Variants in COL14A1 observed in about 807,000 individuals in gnomAD.
COL14A1 encodes collagen type XIV alpha 1 chain.
Under a neutral mutation model 230.3 loss-of-function variants are expected in COL14A1, and 136 were observed. That is an observed-to-expected ratio of 0.59 (90% CI 0.51 to 0.68). The LOEUF (loss-of-function observed/expected upper bound fraction) is 0.68, where lower values mean the gene tolerates loss of function less well. Ranked by LOEUF, COL14A1 falls within the 30% of genes least tolerant of loss-of-function variation. COL14A1 has a pLI of 0.00. For synonymous variants in COL14A1, 792 were observed against 784.1 expected, an observed-to-expected ratio of 1.01 and a Z score of -0.17; for missense variants, 1,976 against 2,215.8, an observed-to-expected ratio of 0.89 and a Z score of 2.17.
intron 16 of COL14A1, 115 bp from the exon 17 acceptor site, chr8:120,227,105 C>T (rs950230740): frequency 3.4e-5 from 40 of 1,190,982 alleles, no homozygotes; most frequent in African/African-American, 7.7e-5. Flanking sequence ...AAATGGACTT[C>T]GACAGCCTTG....
chr8:120,202,608 C>T (rs1188888673), intron 8 of COL14A1, among the ~76,000 whole-genome samples: 1 of 152,090 alleles, frequency 6.6e-6, no homozygotes, highest in Non-Finnish European at 1.5e-5. Flanking sequence ...AATGTTTACT[C>T]ATTTTAATGT....
intron 40 of COL14A1, among the ~76,000 whole-genome samples, chr8:120,323,759 C>T (rs1821552771): frequency 6.6e-6 from 1 of 152,128 alleles, no homozygotes; most frequent in South Asian, 2.1e-4. Context: ...GTTCTCTCTT[C>T]TGCTCCATTG....
chr8:120,243,370 T>G (rs188692976), intron 19 of COL14A1, among the ~76,000 whole-genome samples: 2 of 152,276 alleles, frequency 1.3e-5, no homozygotes, highest in African/African-American at 4.8e-5. Flanking sequence ...CAAGAAAACT[T>G]GGCTTTGATG....
At chr8:120,128,399 A>C (rs1169302686) in intron 1 of COL14A1, among the ~76,000 whole-genome samples, 3 of 152,186 alleles carry the variant, frequency 2.0e-5, no homozygotes, top group Non-Finnish European at 4.4e-5. Context: ...TCAAGGATAA[A>C]AAGCACCTTG....
chr8:120,293,523 A>G (rs894284427), intron 34 of COL14A1, among the ~76,000 whole-genome samples: 1 of 151,822 alleles, frequency 6.6e-6, no homozygotes, highest in Non-Finnish European at 1.5e-5. Flanking sequence ...AGGTACTTGC[A>G]TCTTCCCTAC....
intron 5 of COL14A1, among the ~76,000 whole-genome samples, chr8:120,185,479 A>G (rs1414182210): frequency 6.6e-6 from 1 of 152,026 alleles, no homozygotes; most frequent in Non-Finnish European, 1.5e-5. Context: ...ACACAGTGAG[A>G]CCCCATCTCT....
intron 23 of COL14A1, among the ~76,000 whole-genome samples, chr8:120,261,312 C>T (rs189730203): frequency 1.3e-5 from 2 of 152,116 alleles, no homozygotes; most frequent in Non-Finnish European, 2.9e-5. Flanking sequence ...CCTTTAGTTT[C>T]TTCTCTTTAA....
chr8:120,162,316 C>CA, intron 3 of COL14A1, 110 bp from the exon 4 acceptor site: 1 of 819,760 alleles, frequency 1.2e-6, no homozygotes, highest in Admixed American at 3.2e-5. Context: ...AAACACATTT[C>CA]AAAAAATGCC....
At chr8:120,354,894 T>C (rs1159837139) in intron 45 of COL14A1, among the ~76,000 whole-genome samples, 1 of 152,210 alleles carries the variant, frequency 6.6e-6, no homozygotes, top group Non-Finnish European at 1.5e-5. Flanking sequence ...TCACTTGTTC[T>C]TCTCTGTTAA....
chr8:120,284,317 G>A (rs1820128304), intron 32 of COL14A1, among the ~76,000 whole-genome samples: 1 of 152,160 alleles, frequency 6.6e-6, no homozygotes, highest in East Asian at 1.9e-4. Flanking sequence ...TCTGGAGGCT[G>A]GGAAATGCCA....
At chr8:120,127,095 C>G (rs1216604040) in intron 1 of COL14A1, among the ~76,000 whole-genome samples, 1 of 152,204 alleles carries the variant, frequency 6.6e-6, no homozygotes, top group South Asian at 2.1e-4. Flanking sequence ...CCCCATTTCT[C>G]CCTAACCTGC....
chr8:120,227,173 T>C (rs16893685), intron 16 of COL14A1, 47 bp from the exon 17 acceptor site: 12 of 1,580,580 alleles, frequency 7.6e-6, no homozygotes, highest in Non-Finnish European at 1.0e-5. Context: ...TTTTCTTTAC[T>C]TTTTTTTCAA....
chr8:120,321,034 C>T (rs563769667), intron 40 of COL14A1, among the ~76,000 whole-genome samples: 13 of 152,296 alleles, frequency 8.5e-5, no homozygotes, highest in African/African-American at 2.9e-4. Context: ...CTGGGTCCTA[C>T]ACTTCACTCT....
intron 37 of COL14A1, among the ~76,000 whole-genome samples, chr8:120,310,420 TC>T (rs1244194218): frequency 1.3e-5 from 2 of 152,198 alleles, no homozygotes; most frequent in Non-Finnish European, 2.9e-5. Context: ...TTGGTATTAG[TC>T]CTTTCCAGGT....
intron 1 of COL14A1, among the ~76,000 whole-genome samples, chr8:120,125,641 G>T (rs1348072417): frequency 6.6e-6 from 1 of 152,150 alleles, no homozygotes; most frequent in Non-Finnish European, 1.5e-5. Context: ...TGACGTGAGC[G>T]TGTGGCGGGA....
At chr8:120,262,432 A>G (rs897337947) in intron 23 of COL14A1, among the ~76,000 whole-genome samples, 1 of 152,056 alleles carries the variant, frequency 6.6e-6, no homozygotes, top group Non-Finnish European at 1.5e-5. Context: ...AGATCGCACC[A>G]TTGCACTCCA....
At chr8:120,331,059 C>T (rs1466235339) in intron 40 of COL14A1, among the ~76,000 whole-genome samples, 2 of 143,016 alleles carry the variant, frequency 1.4e-5, no homozygotes, top group African/African-American at 2.7e-5. Flanking sequence ...GAGCCAAGAT[C>T]GTGCCATTGC....
intron 35 of COL14A1, 45 bp from the exon 36 acceptor site, chr8:120,300,687 A>G (rs1198612351): frequency 1.4e-6 from 2 of 1,440,112 alleles, no homozygotes; most frequent in East Asian, 2.3e-5. Flanking sequence ...AGCCATTTGT[A>G]TAAACTGGCA....
chr8:120,252,099 A>G (rs1818986535), intron 22 of COL14A1, among the ~76,000 whole-genome samples: 1 of 152,200 alleles, frequency 6.6e-6, no homozygotes, highest in Admixed American at 6.5e-5. Flanking sequence ...TATGTTTACA[A>G]TGTGTAATGA....
Sources: allele counts gnomAD v4.1 joint callset (sites outside exome capture counted in the v4.1 genomes callset), GRCh38; gene constraint gnomAD v4.1.1; transcripts MANE v1.5; gene names NCBI Gene and HGNC (gene_info 2026-07-23, HGNC 2026-07-21).